CEP97: variants seen among roughly 807,000 people sequenced by gnomAD.
The protein encoded by CEP97 is centrosomal protein 97.
In CEP97, 43 loss-of-function variants were observed where a neutral mutation model predicts 73.1. The ratio of observed to expected loss-of-function variants is 0.59; its 90% CI spans 0.46 to 0.76. The LOEUF (loss-of-function observed/expected upper bound fraction) is 0.76. Ranked by LOEUF, CEP97 falls within the 30% of genes least tolerant of loss-of-function variation. CEP97 has a pLI of 0.00. For missense variants in CEP97, 939 were observed against 1,014.0 expected (o/e 0.93, Z 1.00); for synonymous variants, 337 against 370.0 (o/e 0.91, Z 1.02).
chr3:101,760,693 C>A (rs752173519), intron 9 of CEP97, among the ~76,000 whole-genome samples: 1 of 151,960 alleles, frequency 6.6e-6, no homozygotes, highest in Non-Finnish European at 1.5e-5. Context: ...AGGCATGCAC[C>A]ACCATGCCCA....
rs1371686178 is a variant in CEP97 at position 101,731,885 on chromosome 3, C to T, written c.493C>T (p.Pro165Ser). Residue 165 changes from proline to serine, a missense_variant, in exon 5 of 11, where the codon CCT (proline) becomes TCT (serine). By Grantham distance (74) the Pro-to-Ser change is moderately conservative. Coordinates refer to ENST00000341893, the MANE Select transcript of CEP97 (RefSeq NM_024548.4). ...CATCATCACCTCTCTTAGAATGGCA[C>T]CTGCTTACCTACCCAGAAGTCTTGC... ...GNIITSLRMA[P>S]AYLPRSLAIL... The T allele has an allele frequency of 6.2e-7, 1 of 1,611,896 alleles. No individual in the cohort carries two copies. Among genetic ancestry groups the T allele is most frequent in the Admixed American group, 1.7e-5 (1 of 59,966 alleles).
At position 101,757,882 on chromosome 3, in the gene CEP97, A is replaced by C; in HGVS notation, c.1276A>C (p.Ile426Leu). Residue 426 changes from isoleucine (I) to leucine (L), a missense_variant, in exon 9 of 11, where the codon ATT becomes CTT. By Grantham distance (5) the Ile-to-Leu change is conservative. Coordinates refer to ENST00000341893, the MANE Select transcript of CEP97 (RefSeq NM_024548.4). ...TACAGTTGAGCTGAGGCTGCAGGGC[A>C]TTAACTTGGGCCTAGAAGATGATGG... ...SPTVELRLQG[I>L]NLGLEDDGVA... 1 of 1,614,234 alleles carries C rather than the reference A, an allele frequency of 6.2e-7. No individual in the cohort carries two copies. Among genetic ancestry groups the C allele is most frequent in the Non-Finnish European group, 8.5e-7 (1 of 1,180,038 alleles).
At chr3:101,748,185 A>AT (rs998420243) in intron 6 of CEP97, among the ~76,000 whole-genome samples, 45 of 144,830 alleles carry the variant, frequency 3.1e-4, no homozygotes, top group Admixed American at 7.7e-4. Context: ...ATGAGTCTTA[A>AT]TTTTTTTTTT....
intron 6 of CEP97, among the ~76,000 whole-genome samples, chr3:101,743,088 T>C (rs1284875952): frequency 6.6e-6 from 1 of 151,608 alleles, no homozygotes; most frequent in East Asian, 1.9e-4. Context: ...TACAAAAAAA[T>C]ACAAAAAATT....
chr3:101,725,943 C>T (rs1937873084), intron 1 of CEP97, among the ~76,000 whole-genome samples: 1 of 151,356 alleles, frequency 6.6e-6, no homozygotes, highest in Non-Finnish European at 1.5e-5. Context: ...ATTATCCCCA[C>T]TTTACAGAGT....
In CEP97 at chr3:101,730,063, C is replaced by T. The variant is rs1012552315; in HGVS notation, c.447+1126C>T. Among the ~76,000 whole-genome samples the T allele has an allele frequency of 7.2e-5, 11 of 152,164 alleles. No individual in the cohort carries two copies. In the South Asian group the frequency reaches 1.2e-3, roughly 17 times the overall value. ...TCACATGATCCTCCTGCCTTGGCCT[C>T]GCAAAGTGTTGGGATTACAAGCGTG... is the stretch of plus-strand genomic sequence containing the variant. On this transcript the variant is annotated intron_variant, in intron 4 of 10. Transcript: ENST00000341893.
chr3:101,754,643 T>C (rs1331734528), intron 6 of CEP97, among the ~76,000 whole-genome samples: 1 of 152,240 alleles, frequency 6.6e-6, no homozygotes, highest in East Asian at 1.9e-4. Flanking sequence ...CTTGGCTAGA[T>C]GTCCAAGATG....
intron 6 of CEP97, among the ~76,000 whole-genome samples, chr3:101,748,323 A>T (rs970040872): frequency 6.6e-6 from 1 of 151,844 alleles, no homozygotes; most frequent in Non-Finnish European, 1.5e-5. Flanking sequence ...GGAAAATCAG[A>T]TCTTATAGCA....
chr3:101,746,002 G>A (rs909835925), intron 6 of CEP97, among the ~76,000 whole-genome samples: 23 of 152,068 alleles, frequency 1.5e-4, no homozygotes, highest in Non-Finnish European at 2.2e-4. Context: ...GAGAATATGC[G>A]GTGTTTGGTT....
At chr3:101,751,544 G>A (rs1256737685) in intron 6 of CEP97, among the ~76,000 whole-genome samples, 3 of 152,176 alleles carry the variant, frequency 2.0e-5, no homozygotes, top group Admixed American at 2.0e-4. Context: ...TTGTGTGGGA[G>A]TCTAAGTCTC....
rs181208724 is a variant in CEP97 at position 101,755,616 on chromosome 3, A to G, written c.893+22A>G. The G allele has an allele frequency of 6.8e-5, 110 of 1,610,956 alleles. 2 individuals carry two copies. The African/African-American group carries it at 1.3e-3, about 19-fold the overall frequency. The stretch of plus-strand genomic sequence containing the variant: ...AGAGGTAAGCCCATTTATTTCTAAC[A>G]ACTGATGAATTCACAAGTTAAAATA... On this transcript the variant is annotated intron_variant, in intron 7 of 10. Transcript: ENST00000341893.
Position 101,738,620 on chromosome 3 carries a change from A to G in CEP97, c.728+5966A>G, listed in dbSNP as rs1938355049. Among the ~76,000 whole-genome samples the G allele has an allele frequency of 3.9e-5, 6 of 152,194 alleles. No homozygotes were observed. The South Asian group carries it at 8.3e-4, about 21-fold the overall frequency. On this transcript the variant is annotated intron_variant, in intron 6 of 10. Coordinates refer to ENST00000341893, the MANE Select transcript of CEP97 (RefSeq NM_024548.4). ...CATAACGAAATTACAGCAGAAATTA[A>G]GTTTTTTGAAACCAATGAGAACAAA...
intron 2 of CEP97, 105 bp from the exon 3 acceptor site, chr3:101,727,274 AGTTT>A (rs941081403): frequency 2.5e-5 from 20 of 792,380 alleles, no homozygotes; most frequent in South Asian, 3.9e-5. Flanking sequence ...GTACAAAAGG[AGTTT>A]GTTTGAGAGT....
intron 6 of CEP97, among the ~76,000 whole-genome samples, chr3:101,752,833 G>T (rs1938877766): frequency 6.6e-6 from 1 of 151,974 alleles, no homozygotes; most frequent in African/African-American, 2.4e-5. Context: ...TTTGCCTTTG[G>T]TTTCAATTTC....
intron 6 of CEP97, among the ~76,000 whole-genome samples, chr3:101,754,310 TAAAG>T (rs1161143610): frequency 6.6e-6 from 1 of 152,130 alleles, no homozygotes. Context: ...GAAGAACTCT[TAAAG>T]AAACAACCAC....
chr3:101,747,064 C>T (rs1455993098), intron 6 of CEP97, among the ~76,000 whole-genome samples: 1 of 148,668 alleles, frequency 6.7e-6, no homozygotes, highest in African/African-American at 2.5e-5. Context: ...AACAGGAACA[C>T]TTTTACACTG....
chr3:101,728,717 C>T (rs942103153), intron 3 of CEP97, 119 bp from the exon 4 acceptor site: 6 of 673,116 alleles, frequency 8.9e-6, no homozygotes, highest in African/African-American at 7.3e-5. Context: ...CTAAGTTCTT[C>T]TACTCTGCTT....
intron 7 of CEP97, 116 bp downstream of exon 7, chr3:101,755,710 A>C: frequency 1.0e-6 from 1 of 974,652 alleles, no homozygotes; most frequent in Non-Finnish European, 1.6e-6. Flanking sequence ...CTGGACACTC[A>C]GTCCCCTTGT....
chr3:101,765,092 A>G lies in CEP97; in HGVS notation c.2139A>G (p.Ser713=). 1 of 1,614,192 alleles carries G rather than the reference A, an allele frequency of 6.2e-7. No individual in the cohort carries two copies. Among genetic ancestry groups the G allele is most frequent in the South Asian group, 1.1e-5 (1 of 91,082 alleles). ...CCTCTCTAACAGAACAAGTTCATTC[A>G]TTGCAGCATTCTTTGGATTTTGAGA... The part of the protein sequence containing the change: ...FHSSLTEQVH[S]LQHSLDFEKS... The change falls in exon 11 of 11, where the codon TCA becomes TCG. Residue 713 remains serine, a synonymous_variant. Transcript: ENST00000341893.
Sources: allele counts gnomAD v4.1 joint callset (sites outside exome capture counted in the v4.1 genomes callset), GRCh38; gene constraint gnomAD v4.1.1; transcripts MANE v1.5; gene names NCBI Gene and HGNC (gene_info 2026-07-23, HGNC 2026-07-21).